MPPED2: variants seen among roughly 807,000 people sequenced by gnomAD.
The protein encoded by MPPED2 is metallophosphoesterase MPPED2.
MPPED2 carries 5 observed loss-of-function variants against 33.0 expected under a neutral mutation model. The observed-to-expected ratio is 0.15, with a 90% CI of 0.08 to 0.32. The LOEUF (loss-of-function observed/expected upper bound fraction) is 0.32. MPPED2 is among the 10% of genes least tolerant of loss of function. The pLI, the probability that MPPED2 is intolerant of heterozygous loss-of-function variation, is 1.00. For synonymous variants in MPPED2, 136 were observed against 141.9 expected (o/e 0.96, Z 0.29); for missense variants, 275 against 372.1 (o/e 0.74, Z 2.15).
intron 4 of MPPED2, among the ~76,000 whole-genome samples, chr11:30,469,320 A>G (rs773198227): frequency 9.2e-5 from 14 of 152,196 alleles, no homozygotes; most frequent in Non-Finnish European, 1.9e-4. Context: ...AGTAATGACA[A>G]CAATAATACA....
At chr11:30,407,078 G>A (rs186128821), downstream of MPPED2, among the ~76,000 whole-genome samples, 6 of 152,264 alleles carry the variant, frequency 3.9e-5, no homozygotes, top group South Asian at 8.3e-4. Context: ...CCCAGCTTCC[G>A]TTTCTCCCTA....
intron 4 of MPPED2, among the ~76,000 whole-genome samples, chr11:30,468,256 A>ACACTCTCT (rs1408746552): frequency 1.2e-4 from 17 of 142,936 alleles, no homozygotes; most frequent in African/African-American, 3.8e-4. Flanking sequence ...ACACACACAC[A>ACACTCTCT]CTCTCTCTCT....
chr11:30,498,050 C>T (rs1025963032), intron 3 of MPPED2, among the ~76,000 whole-genome samples: 3 of 145,938 alleles, frequency 2.1e-5, no homozygotes, highest in Non-Finnish European at 4.4e-5. Context: ...TCTCCTGTTA[C>T]TTGACGGCAT....
intron 3 of MPPED2, among the ~76,000 whole-genome samples, chr11:30,523,282 G>A (rs1004314965): frequency 2.6e-5 from 4 of 152,102 alleles, no homozygotes; most frequent in Admixed American, 6.5e-5. Flanking sequence ...CAAGATTCCT[G>A]GAAACAATAT....
At chr11:30,439,519 C>T (rs1392016413) in intron 4 of MPPED2, among the ~76,000 whole-genome samples, 2 of 152,116 alleles carry the variant, frequency 1.3e-5, no homozygotes, top group African/African-American at 4.8e-5. Flanking sequence ...GTTCAATAGG[C>T]TGCTAGTGGA....
At chr11:30,416,863 G>A (rs960078197) in intron 5 of MPPED2, among the ~76,000 whole-genome samples, 1 of 152,132 alleles carries the variant, frequency 6.6e-6, no homozygotes, top group Non-Finnish European at 1.5e-5. Context: ...AAAATTAAAA[G>A]GTAATAAGTC....
chr11:30,568,261 G>A (rs1248507626), intron 2 of MPPED2, among the ~76,000 whole-genome samples: 1 of 150,750 alleles, frequency 6.6e-6, no homozygotes. Context: ...TTTTCTTTTT[G>A]GAACTTCTCA....
chr11:30,489,990 T>C lies in MPPED2; in HGVS notation c.536+5306A>G, dbSNP rs567036656. On this transcript the variant is annotated intron_variant, in intron 4 of 6. Transcript: ENST00000358117. ...GTCCCACGAGTAAGTTTACCCCAAA[T>C]TGCTTGTGTTAAAAAGCTGGCTACA... Among the ~76,000 whole-genome samples the C allele has an allele frequency of 3.3e-5, 5 of 152,026 alleles. No individual in the cohort carries two copies. The South Asian group carries it at 8.3e-4, about 25-fold the overall frequency.
intron 3 of MPPED2, among the ~76,000 whole-genome samples, chr11:30,531,959 G>A (rs1954549971): frequency 6.6e-6 from 1 of 152,220 alleles, no homozygotes. Context: ...GAGAGGTAAG[G>A]AAATACACTT....
chr11:30,493,009 CTTAA>C (rs1454324786), intron 4 of MPPED2, among the ~76,000 whole-genome samples: 2 of 152,144 alleles, frequency 1.3e-5, no homozygotes, highest in Admixed American at 6.5e-5. Flanking sequence ...ATAGGAAGTA[CTTAA>C]TTAAGAGTTC....
rs544955677 is a variant in MPPED2, at chr11:30,511,744, C to T, written c.311-16223G>A. Among the ~76,000 whole-genome samples the T allele has an allele frequency of 2.0e-4, 31 of 152,264 alleles. 1 individual carries two copies. In the South Asian group the frequency reaches 6.4e-3, roughly 32 times the overall value. On this transcript the variant is annotated intron_variant, in intron 3 of 6. Coordinates refer to ENST00000358117, the MANE Select transcript of MPPED2 (RefSeq NM_001584.3). ...CAATCATCTATAGTTGATTAGCTGACAATTAATTAGACAATATTTTTTAAA... is the reference window on the plus strand; with the variant it reads ...CAATCATCTATAGTTGATTAGCTGATAATTAATTAGACAATATTTTTTAAA...
At chr11:30,537,808 C>G (rs905124597) in intron 2 of MPPED2, among the ~76,000 whole-genome samples, 1 of 152,108 alleles carries the variant, frequency 6.6e-6, no homozygotes. Context: ...TATGCTGTTA[C>G]CACGTAGAAA....
chr11:30,533,471 C>A (rs964824332), intron 3 of MPPED2, among the ~76,000 whole-genome samples: 7 of 152,048 alleles, frequency 4.6e-5, no homozygotes, highest in Non-Finnish European at 1.0e-4. Context: ...CAGTCGGATG[C>A]CCTATTATGG....
intron 6 of MPPED2, among the ~76,000 whole-genome samples, chr11:30,401,343 T>C (rs371043639): frequency 6.6e-6 from 1 of 152,190 alleles, no homozygotes; most frequent in African/African-American, 2.4e-5. Flanking sequence ...CTGGACTGAA[T>C]CTTATGCTAA....
intron 4 of MPPED2, among the ~76,000 whole-genome samples, chr11:30,421,560 A>G (rs1948616651): frequency 6.6e-6 from 1 of 152,074 alleles, no homozygotes; most frequent in Admixed American, 6.6e-5. Context: ...TCTTCACAGC[A>G]ATTTTTAAGG....
chr11:30,514,890 A>G (rs1388059813), intron 3 of MPPED2, among the ~76,000 whole-genome samples: 3 of 152,194 alleles, frequency 2.0e-5, no homozygotes, highest in African/African-American at 7.2e-5. Flanking sequence ...ACTGGAGGTT[A>G]GGAGTTCAAG....
intron 4 of MPPED2, among the ~76,000 whole-genome samples, chr11:30,460,960 T>C (rs1256604910): frequency 2.0e-5 from 3 of 152,190 alleles, no homozygotes; most frequent in Non-Finnish European, 4.4e-5. Flanking sequence ...CAATAGTCAA[T>C]AGGTGGAAGC....
chr11:30,534,483 T>C (rs1467750403), intron 3 of MPPED2, among the ~76,000 whole-genome samples: 1 of 152,164 alleles, frequency 6.6e-6, no homozygotes, highest in African/African-American at 2.4e-5. Context: ...AAAAATGAGA[T>C]TATGCTAAAT....
At chr11:30,407,751 G>A (rs1173559974), downstream of MPPED2, among the ~76,000 whole-genome samples, 1 of 152,110 alleles carries the variant, frequency 6.6e-6, no homozygotes. Flanking sequence ...CGAGCCTGCA[G>A]TCGCAGCTAC....
Sources: allele counts gnomAD v4.1 joint callset (sites outside exome capture counted in the v4.1 genomes callset), GRCh38; gene constraint gnomAD v4.1.1; transcripts MANE v1.5; gene names NCBI Gene and HGNC (gene_info 2026-07-23, HGNC 2026-07-21).